The following NUBPL variants were observed in gnomAD, a reference collection of about 807,000 sequenced individuals.
NUBPL encodes the protein NUBP iron-sulfur cluster assembly factor, mitochondrial, also known as iron-sulfur cluster transfer protein NUBPL.
A neutral mutation model predicts 45.7 loss-of-function variants in NUBPL; 31 were observed. The observed-to-expected ratio is 0.68, with a 90% CI of 0.51 to 0.92. NUBPL has a LOEUF of 0.92. NUBPL is among the 40% of genes least tolerant of loss of function. The probability of loss-of-function intolerance (pLI) is 0.00; values close to 1 mark genes in which losing one functional copy is unlikely to be tolerated. For synonymous variants in NUBPL, 144 were observed against 140.9 expected (o/e 1.02, Z -0.15); for missense variants, 401 against 398.7 (o/e 1.01, Z -0.05).
intron 4 of NUBPL, among the ~76,000 whole-genome samples, chr14:31,655,159 T>G (rs1312448568): frequency 3.3e-5 from 5 of 152,252 alleles, no homozygotes; most frequent in Admixed American, 2.0e-4. Flanking sequence ...ATGAATGTTC[T>G]TAATGACATC....
chr14:31,856,870 G>A (rs572064610), intron 10 of NUBPL, among the ~76,000 whole-genome samples: 4 of 152,274 alleles, frequency 2.6e-5, no homozygotes, highest in African/African-American at 4.8e-5. Flanking sequence ...ATGGTTTGGC[G>A]TTGAGTTTCT....
At chr14:31,850,589 C>T (rs936012365) in intron 10 of NUBPL, among the ~76,000 whole-genome samples, 2 of 151,852 alleles carry the variant, frequency 1.3e-5, no homozygotes, top group East Asian at 3.9e-4. Flanking sequence ...GGATATAAGG[C>T]AATTGTGTAA....
intron 4 of NUBPL, among the ~76,000 whole-genome samples, chr14:31,664,535 G>A (rs538152363): frequency 3.3e-5 from 5 of 152,244 alleles, no homozygotes; most frequent in Admixed American, 1.3e-4. Flanking sequence ...GATGGCTTAC[G>A]TTTATTGATT....
At position 31,853,195 on chromosome 14, in the gene NUBPL, C is replaced by G. The variant is rs1449555847; in HGVS notation, c.897+2994C>G. 3.9e-5 allele frequency among the ~76,000 whole-genome samples: 6 copies of G among 152,246 alleles called. No homozygotes were observed. The East Asian group carries it at 9.7e-4, about 25-fold the overall frequency. On this transcript the variant is annotated intron_variant, in intron 10 of 10. Transcript: ENST00000281081. The stretch of plus-strand genomic sequence containing the variant: ...TCATCCTCCCAAGTAGCTGGGACCA[C>G]TGGTTCACACCACCACATCCAGCTA...
chr14:31,820,918 C>T (rs896696604), intron 7 of NUBPL, among the ~76,000 whole-genome samples: 5 of 150,162 alleles, frequency 3.3e-5, no homozygotes, highest in East Asian at 2.0e-4. Flanking sequence ...GTCAGGGGTT[C>T]GAGACCAGCC....
intron 3 of NUBPL, among the ~76,000 whole-genome samples, chr14:31,582,386 C>CTT (rs57392617): frequency 0.073 from 10,169 of 138,936 alleles, 461 homozygotes; most frequent in Non-Finnish European, 0.093. Context: ...AATTTGTGTA[C>CTT]TTTTTTTTTT....
At chr14:31,793,723 A>G (rs997903915) in intron 7 of NUBPL, among the ~76,000 whole-genome samples, 2 of 151,696 alleles carry the variant, frequency 1.3e-5, no homozygotes, top group African/African-American at 4.8e-5. Context: ...CTTTTAAAGT[A>G]CCTTGGCCTA....
intron 6 of NUBPL, among the ~76,000 whole-genome samples, chr14:31,676,965 A>T (rs2036714461): frequency 6.6e-6 from 1 of 151,878 alleles, no homozygotes; most frequent in Non-Finnish European, 1.5e-5. Context: ...CCTCTTTAAG[A>T]AATCTTTGCC....
Position 31,860,110 on chromosome 14 carries a change from C to G in NUBPL, c.*930C>G, listed in dbSNP as rs1456075637. 3.9e-5 allele frequency: 6 copies of G among 152,026 alleles called. No homozygotes were observed. The highest frequency in any genetic ancestry group is 1.2e-4 in the African/African-American group (5 of 41,388). 9.4% of individuals were successfully genotyped at this position (152,026 alleles called of 1,614,324 possible). On this transcript the variant is annotated 3_prime_UTR_variant, in exon 11 of 11. Coordinates refer to ENST00000281081, the MANE Select transcript of NUBPL (RefSeq NM_025152.3). The stretch of plus-strand genomic sequence containing the variant: ...ATGAGGTCAGGAGTTCAAGACCAGC[C>G]TGACCAACATGGTGAAACCCCGTCT...
At chr14:31,858,272 C>T (rs373323571) in intron 10 of NUBPL, among the ~76,000 whole-genome samples, 1 of 152,176 alleles carries the variant, frequency 6.6e-6, no homozygotes, top group East Asian at 1.9e-4. Context: ...GTTCCTTCCA[C>T]AACACATGGG....
intron 4 of NUBPL, among the ~76,000 whole-genome samples, chr14:31,624,200 A>G (rs747629500): frequency 4.6e-5 from 7 of 152,164 alleles, no homozygotes; most frequent in Non-Finnish European, 7.4e-5. Context: ...TTGGTAATTT[A>G]TTGAGTATGA....
chr14:31,779,699 A>G (rs2039158005), intron 6 of NUBPL, among the ~76,000 whole-genome samples: 1 of 152,244 alleles, frequency 6.6e-6, no homozygotes, highest in Non-Finnish European at 1.5e-5. Context: ...AGGAAGATTC[A>G]GTTCAATCTA....
chr14:31,764,841 C>G (rs1595599792), intron 6 of NUBPL, among the ~76,000 whole-genome samples: 1 of 152,314 alleles, frequency 6.6e-6, no homozygotes, highest in Admixed American at 6.5e-5. Context: ...TTGCAAAGTG[C>G]TGAAGTTGAT....
At chr14:31,588,653 A>T (rs2034059662) in intron 3 of NUBPL, among the ~76,000 whole-genome samples, 1 of 151,950 alleles carries the variant, frequency 6.6e-6, no homozygotes, top group Non-Finnish European at 1.5e-5. Flanking sequence ...GCGGTGGCTC[A>T]TGCCTGTAAT....
chr14:31,567,040 T>A (rs1273815654), intron 3 of NUBPL, among the ~76,000 whole-genome samples: 4 of 152,232 alleles, frequency 2.6e-5, no homozygotes, highest in Non-Finnish European at 5.9e-5. Context: ...ATTTGCTTAT[T>A]TCTTTAATTT....
At chr14:31,684,436 C>G (rs1303544632) in intron 6 of NUBPL, among the ~76,000 whole-genome samples, 4 of 152,078 alleles carry the variant, frequency 2.6e-5, no homozygotes, top group Admixed American at 2.6e-4. Flanking sequence ...ATCGTTTTTG[C>G]AGTCACCTGG....
chr14:31,833,617 A>G (rs2040227751), intron 8 of NUBPL, among the ~76,000 whole-genome samples: 1 of 152,192 alleles, frequency 6.6e-6, no homozygotes, highest in Non-Finnish European at 1.5e-5. Context: ...TTGCTCATGT[A>G]ACAGTACCAT....
intron 6 of NUBPL, among the ~76,000 whole-genome samples, chr14:31,769,778 G>A (rs1436979150): frequency 6.6e-6 from 1 of 151,384 alleles, no homozygotes; most frequent in East Asian, 1.9e-4. Flanking sequence ...TCATAGTCAT[G>A]GTATTTTTTT....
chr14:31,682,248 T>A (rs1219371613), intron 6 of NUBPL, among the ~76,000 whole-genome samples: 1 of 152,164 alleles, frequency 6.6e-6, no homozygotes, highest in Non-Finnish European at 1.5e-5. Context: ...CGTGGTGAAT[T>A]TGCCCTTTTG....
Sources: allele counts gnomAD v4.1 joint callset (sites outside exome capture counted in the v4.1 genomes callset), GRCh38; gene constraint gnomAD v4.1.1; transcripts MANE v1.5; gene names NCBI Gene and HGNC (gene_info 2026-07-23, HGNC 2026-07-21).